Variants in CRACD observed in about 807,000 individuals in gnomAD.
The protein encoded by CRACD is capping protein inhibiting regulator of actin dynamics.
In CRACD, 56 loss-of-function variants were observed where a neutral mutation model predicts 106.8. The ratio of observed to expected loss-of-function variants is 0.52; its 90% CI spans 0.42 to 0.66. The LOEUF is 0.66. Among genes scored for constraint, CRACD ranks in the 30% least tolerant of loss-of-function variants. CRACD has a pLI of 0.00. For synonymous variants in CRACD, 754 were observed against 670.8 expected (o/e 1.12, Z -1.92); for missense variants, 1,730 against 1,623.2 (o/e 1.07, Z -1.13).
intron 2 of CRACD, among the ~76,000 whole-genome samples, chr4:56,234,795 C>T (rs1420718724): frequency 6.6e-6 from 1 of 152,020 alleles, no homozygotes; most frequent in East Asian, 1.9e-4. Context: ...TTTCATATGA[C>T]AATTATATAT....
At chr4:56,117,599 G>A (rs1734337458) in intron 1 of CRACD, among the ~76,000 whole-genome samples, 1 of 152,046 alleles carries the variant, frequency 6.6e-6, no homozygotes, top group Non-Finnish European at 1.5e-5. Context: ...TTACAGAGAT[G>A]GATGATGGTG....
intron 6 of CRACD, among the ~76,000 whole-genome samples, chr4:56,311,818 C>T (rs959795820): frequency 2.0e-5 from 3 of 152,224 alleles, no homozygotes; most frequent in African/African-American, 4.8e-5. Flanking sequence ...TAGTGCCGCA[C>T]CCCCTGCCAC....
Position 56,064,151 on chromosome 4 carries a change from A to G in CRACD, c.-336+14852A>G, listed in dbSNP as rs914535048. 5.3e-5 allele frequency among the ~76,000 whole-genome samples: 8 copies of G among 152,252 alleles called. No homozygotes were observed. The South Asian group carries it at 8.3e-4, about 16-fold the overall frequency. ...TTGACCATTTGTATAGCTTCTTTGG[A>G]GAAACGTCTGTTCAAGTCCTTCACC... On this transcript the variant is annotated intron_variant, in intron 1 of 10. Transcript: ENST00000682029.
intron 4 of CRACD, chr4:56,301,154 T>C: frequency 9.7e-7 from 1 of 1,029,058 alleles, no homozygotes. Context: ...TCATAGAAAA[T>C]GTGATTTTTT....
Position 56,254,966 on chromosome 4 carries a change from T to C in CRACD, c.-188-17355T>C, listed in dbSNP as rs558467475. 5.3e-4 allele frequency among the ~76,000 whole-genome samples: 80 copies of C among 151,452 alleles called. 1 individual carries two copies. The highest frequency in any genetic ancestry group is 1.8e-3 in the African/African-American group (76 of 41,278). On this transcript the variant is annotated intron_variant, in intron 2 of 10. Transcript: ENST00000682029. ...TAAAAATACAAAAAAATAATAATAA[T>C]AACTAGGAGTAGTGGCAGGCACCTA...
intron 1 of CRACD, among the ~76,000 whole-genome samples, chr4:56,135,055 G>A (rs1330532224): frequency 1.3e-5 from 2 of 152,216 alleles, no homozygotes; most frequent in African/African-American, 2.4e-5. Context: ...AGCCCGAGGC[G>A]GGTGGATTAC....
At chr4:56,243,387 A>G (rs1560499306) in intron 2 of CRACD, among the ~76,000 whole-genome samples, 1 of 152,316 alleles carries the variant, frequency 6.6e-6, no homozygotes, top group South Asian at 2.1e-4. Flanking sequence ...TGCAGCATCT[A>G]CTTGTCCTGT....
Position 56,168,463 on chromosome 4 carries a change from G to A in CRACD, c.-335-10821G>A, listed in dbSNP as rs570910736. On this transcript the variant is annotated intron_variant, in intron 1 of 10. Transcript: ENST00000682029. ...ATTACCAATTTTTAACTTAATGCTT[G>A]CATTTATGTCCATAAGGAATATTGC... Among the ~76,000 whole-genome samples the A allele has an allele frequency of 1.8e-4, 28 of 151,732 alleles. 1 individual carries two copies. In the East Asian group the frequency reaches 5.2e-3, roughly 28 times the overall value.
chr4:56,210,781 T>G (rs1738363807), intron 2 of CRACD, among the ~76,000 whole-genome samples: 1 of 152,212 alleles, frequency 6.6e-6, no homozygotes, highest in Non-Finnish European at 1.5e-5. Flanking sequence ...AAAGGTGTAT[T>G]TGAGTTCTAT....
chr4:56,280,510 A>G (rs1186585163), intron 3 of CRACD, among the ~76,000 whole-genome samples: 2 of 152,130 alleles, frequency 1.3e-5, no homozygotes, highest in Admixed American at 6.5e-5. Flanking sequence ...CCTTCCCCTG[A>G]CATTGTTCTC....
chr4:56,203,782 G>A (rs1196900270), intron 2 of CRACD, among the ~76,000 whole-genome samples: 2 of 152,184 alleles, frequency 1.3e-5, no homozygotes, highest in East Asian at 3.9e-4. Context: ...AGCTGGCTCT[G>A]CCCACCTTAA....
chr4:56,172,158 T>C (rs1279070717), intron 1 of CRACD, among the ~76,000 whole-genome samples: 1 of 151,702 alleles, frequency 6.6e-6, no homozygotes, highest in Non-Finnish European at 1.5e-5. Context: ...AAAAGGAAGA[T>C]AGTATCACTA....
chr4:56,281,582 C>T (rs199948300), intron 3 of CRACD, among the ~76,000 whole-genome samples: 2 of 152,000 alleles, frequency 1.3e-5, no homozygotes, highest in African/African-American at 2.4e-5. Flanking sequence ...TATGACATTG[C>T]GCTATCTGCA....
chr4:56,326,490 T>C (rs74931579), intron 10 of CRACD, among the ~76,000 whole-genome samples: 3,669 of 152,328 alleles, frequency 0.024, 146 homozygotes, highest in African/African-American at 0.082. Context: ...AGCAAGTCTT[T>C]GTTCTGAAGT....
chr4:56,209,542 A>G (rs1190023502), intron 2 of CRACD, among the ~76,000 whole-genome samples: 2 of 152,090 alleles, frequency 1.3e-5, no homozygotes, highest in Admixed American at 1.3e-4. Flanking sequence ...GTAATTTTGA[A>G]CTGTTTTATA....
intron 2 of CRACD, among the ~76,000 whole-genome samples, chr4:56,205,509 G>A (rs1028535986): frequency 1.3e-4 from 20 of 151,998 alleles, no homozygotes; most frequent in Non-Finnish European, 1.9e-4. Flanking sequence ...TTTACAATCC[G>A]GTTAAATGTT....
chr4:56,087,661 C>T (rs1733275292), intron 1 of CRACD, among the ~76,000 whole-genome samples: 1 of 152,186 alleles, frequency 6.6e-6, no homozygotes, highest in Non-Finnish European at 1.5e-5. Context: ...TTCTCCTACA[C>T]ATCACACTCT....
chr4:56,263,531 T>C (rs1741826852), intron 2 of CRACD, among the ~76,000 whole-genome samples: 1 of 152,280 alleles, frequency 6.6e-6, no homozygotes, highest in South Asian at 2.1e-4. Context: ...TGTCTTCATA[T>C]TGCCTTCCCT....
At chr4:56,275,918 G>A (rs1742647900) in intron 3 of CRACD, among the ~76,000 whole-genome samples, 4 of 152,302 alleles carry the variant, frequency 2.6e-5, no homozygotes, top group Admixed American at 6.5e-5. Flanking sequence ...GTGGGATTTC[G>A]GCACTGGGTG....
Sources: allele counts gnomAD v4.1 joint callset (sites outside exome capture counted in the v4.1 genomes callset), GRCh38; gene constraint gnomAD v4.1.1; transcripts MANE v1.5; gene names NCBI Gene and HGNC (gene_info 2026-07-23, HGNC 2026-07-21).